GLYATL2: variants seen among roughly 807,000 people sequenced by gnomAD.
The protein encoded by GLYATL2 is glycine-N-acyltransferase like 2, also known as glycine N-acyltransferase-like protein 2.
A neutral mutation model predicts 21.4 loss-of-function variants in GLYATL2; 25 were observed. The observed-to-expected ratio is 1.17, with a 90% CI of 0.85 to 1.63. The LOEUF (loss-of-function observed/expected upper bound fraction) is 1.63, where lower values mean the gene tolerates loss of function less well. Among genes scored for constraint, GLYATL2 ranks in the 40% most tolerant of loss-of-function variants. GLYATL2 has a pLI of 0.00. For synonymous variants in GLYATL2, 114 were observed against 118.2 expected (o/e 0.96, Z 0.23); for missense variants, 361 against 343.3 (o/e 1.05, Z -0.41).
At chr11:58,843,297 G>A (rs557671775) in intron 1 of GLYATL2, among the ~76,000 whole-genome samples, 34 of 152,208 alleles carry the variant, frequency 2.2e-4, no homozygotes, top group South Asian at 1.2e-3. Context: ...AGAAAGTGTC[G>A]AGAAAAAGAA....
chr11:58,881,043 C>T (rs1351639230), intron 1 of GLYATL2, among the ~76,000 whole-genome samples: 1 of 152,168 alleles, frequency 6.6e-6, no homozygotes, highest in Non-Finnish European at 1.5e-5. Flanking sequence ...AAGTTCTTCA[C>T]ATTTTTAATT....
chr11:58,897,687 G>A (rs954844259), intron 1 of GLYATL2, among the ~76,000 whole-genome samples: 9 of 152,062 alleles, frequency 5.9e-5, no homozygotes, highest in Admixed American at 2.6e-4. Context: ...TAGGGCCTTG[G>A]TAATCCCTTT....
chr11:58,889,844 GC>G (rs1449690643), intron 1 of GLYATL2, among the ~76,000 whole-genome samples: 1 of 152,116 alleles, frequency 6.6e-6, no homozygotes, highest in Non-Finnish European at 1.5e-5. Context: ...GGCATTAGGA[GC>G]TTTTCATCTG....
At chr11:58,874,165 T>C (rs1854180824) in intron 1 of GLYATL2, among the ~76,000 whole-genome samples, 1 of 152,208 alleles carries the variant, frequency 6.6e-6, no homozygotes, top group Admixed American at 6.5e-5. Flanking sequence ...ATTGCATCTA[T>C]TTGATTCTCC....
chr11:58,880,657 TTTTGTTTG>T (rs373808017), intron 1 of GLYATL2, among the ~76,000 whole-genome samples: 6 of 152,294 alleles, frequency 3.9e-5, no homozygotes, highest in Non-Finnish European at 8.8e-5. Flanking sequence ...AGACCAGGTT[TTTTGTTTG>T]TTTGTTTGTT....
intron 1 of GLYATL2, among the ~76,000 whole-genome samples, chr11:58,869,853 T>C (rs1854086575): frequency 6.6e-6 from 1 of 152,204 alleles, no homozygotes; most frequent in Non-Finnish European, 1.5e-5. Context: ...TATTTTAAGG[T>C]ACCAGAGTTT....
chr11:58,837,334 T>G lies in GLYATL2; in HGVS notation c.250A>C (p.Lys84Gln). ...GAGTATGACAGGACTTCCTCTAATT[T>G]GTCAGGAGCTTTGGTGAAGATGTGG... ...TYHIFTKAPD[K>Q]LEEVLSYSNV... is the part of the protein sequence containing the mutation. Residue 84 changes from lysine to glutamine, a missense_variant, in exon 4 of 6, where the codon AAA becomes CAA. By Grantham distance (53) the Lys-to-Gln change is moderately conservative (BLOSUM62 1). Coordinates refer to ENST00000287275, the MANE Select transcript of GLYATL2 (RefSeq NM_145016.4). The G allele has an allele frequency of 6.2e-7, 1 of 1,613,968 alleles. No individual in the cohort carries two copies. Among genetic ancestry groups the G allele is most frequent in the Non-Finnish European group, 8.5e-7 (1 of 1,179,834 alleles).
intron 1 of GLYATL2, among the ~76,000 whole-genome samples, chr11:58,876,456 G>C (rs989593265): frequency 1.3e-5 from 2 of 152,210 alleles, no homozygotes; most frequent in African/African-American, 4.8e-5. Context: ...GTGACATACA[G>C]ATGGGTTTTT....
At position 58,837,373 on chromosome 11, in the gene GLYATL2, A is replaced by C; in HGVS notation, c.211T>G (p.Tyr71Asp). 1 of 1,613,438 alleles carries C rather than the reference A, an allele frequency of 6.2e-7. No homozygotes were observed. The highest frequency in any genetic ancestry group is 8.5e-7 in the Non-Finnish European group (1 of 1,179,398). The change falls in exon 4 of 6, where the codon TAT becomes GAT. Residue 71 changes from tyrosine (Y) to aspartate (D), a missense_variant. Tyr to Asp is a radical substitution (Grantham distance 160). Coordinates refer to ENST00000287275, the MANE Select transcript of GLYATL2 (RefSeq NM_145016.4). ...GTGAAGATGTGGTAAGTGTTGGTAT[A>C]ATGATCCTGGTCATCTTTCATCTCC... ...KQEMKDDQDH[Y>D]TNTYHIFTKA... is the part of the protein sequence containing the mutation.
At chr11:58,841,773 GC>G (rs1853557774) in intron 1 of GLYATL2, among the ~76,000 whole-genome samples, 1 of 152,198 alleles carries the variant, frequency 6.6e-6, no homozygotes, top group African/African-American at 2.4e-5. Flanking sequence ...ACAAAGGAGA[GC>G]AATCAACTTC....
chr11:58,905,790 C>T (rs7118637), upstream of GLYATL2: 296,675 of 379,944 alleles, frequency 0.78, 120,248 homozygotes, highest in Non-Finnish European at 0.87. Context: ...CCGTCTGACC[C>T]GCCCGCGAGC....
rs1247257811 is a variant in GLYATL2, at chr11:58,855,321, C to T, written n.61-16953G>A. On this transcript the variant is annotated intron_variant and non_coding_transcript_variant, in intron 1 of 4. Transcript: ENST00000533636. Reference sequence around the variant, plus strand: ...AGCAAGCATGAAAAAAAATTAATGTCCTTGTACATCTCCATCAGAGCTCTT... The same window carrying T: ...AGCAAGCATGAAAAAAAATTAATGTTCTTGTACATCTCCATCAGAGCTCTT... Among the ~76,000 whole-genome samples, 8 of 152,124 alleles carry T rather than the reference C, an allele frequency of 5.3e-5. No individual in the cohort carries two copies. In the East Asian group the frequency reaches 1.2e-3, roughly 22 times the overall value.
Position 58,837,086 on chromosome 11 carries a change from C to T in GLYATL2, c.405G>A (p.Pro135=), listed in dbSNP as rs780478854. 30 of 1,613,528 alleles carry T rather than the reference C, an allele frequency of 1.9e-5. No homozygotes were observed. Among genetic ancestry groups the T allele is most frequent in the East Asian group, 1.6e-4 (7 of 44,870 alleles). The change falls in exon 5 of 6, where the codon CCG becomes CCA. Residue 135 remains proline (P), a synonymous_variant. Transcript: ENST00000287275. ...AGGTCTTGTGTTTCTTTGGTAATTC[C>T]GGTATAAAGAGGATGGTTTTCATGT... ...VDYMKTILFI[P]ELPKKHKTSS...
chr11:58,882,091 T>C (rs1305308557), intron 1 of GLYATL2, among the ~76,000 whole-genome samples: 3 of 152,248 alleles, frequency 2.0e-5, no homozygotes, highest in Admixed American at 6.5e-5. Context: ...TTTGGGTATA[T>C]ACCCAGTAAT....
At chr11:58,897,739 A>T (rs963484037) in intron 1 of GLYATL2, among the ~76,000 whole-genome samples, 1 of 152,198 alleles carries the variant, frequency 6.6e-6, no homozygotes, top group East Asian at 1.9e-4. Context: ...TTTATGAAAC[A>T]TATATCTAAG....
At chr11:58,857,354 C>T (rs1264042007) in intron 1 of GLYATL2, among the ~76,000 whole-genome samples, 8 of 152,220 alleles carry the variant, frequency 5.3e-5, no homozygotes, top group South Asian at 4.1e-4. Context: ...GGGGAGCTAG[C>T]GGCAGCTGGC....
At chr11:58,845,013 G>C (rs559442467), upstream of GLYATL2, among the ~76,000 whole-genome samples, 4 of 152,120 alleles carry the variant, frequency 2.6e-5, no homozygotes, top group East Asian at 7.7e-4. Flanking sequence ...ACAGGGAGGG[G>C]CATTGTAAGT....
intron 1 of GLYATL2, among the ~76,000 whole-genome samples, chr11:58,861,535 C>T: frequency 6.6e-6 from 1 of 150,930 alleles, no homozygotes; most frequent in Non-Finnish European, 1.5e-5. Flanking sequence ...CAGGGTTTTT[C>T]TTTAATGTTT....
intron 1 of GLYATL2, among the ~76,000 whole-genome samples, chr11:58,873,019 T>C (rs1392445283): frequency 6.6e-6 from 1 of 152,092 alleles, no homozygotes; most frequent in African/African-American, 2.4e-5. Context: ...TAAGTTGGAT[T>C]CCTAGGTATT....
Sources: gnomAD v4.1 joint callset for allele counts (sites outside exome capture counted in the v4.1 genomes callset) on GRCh38, gnomAD v4.1.1 for gene constraint, MANE v1.5 for transcripts, NCBI Gene and HGNC (gene_info 2026-07-23, HGNC 2026-07-21) for gene names.